The following GEN1 variants were observed in gnomAD, a reference collection of about 807,000 sequenced individuals.
The protein encoded by GEN1 is GEN1 structure-specific endonuclease.
Under a neutral mutation model 67.6 loss-of-function variants are expected in GEN1, and 64 were observed. That is an observed-to-expected ratio of 0.95 (90% CI 0.77 to 1.17). The LOEUF (loss-of-function observed/expected upper bound fraction) is 1.17. GEN1 is among the 50% of genes most tolerant of loss of function. The pLI, the probability that GEN1 is intolerant of heterozygous loss-of-function variation, is 0.00. For synonymous variants in GEN1, 371 were observed against 359.4 expected, an observed-to-expected ratio of 1.03 and a Z score of -0.37; for missense variants, 1,058 against 1,048.3, an observed-to-expected ratio of 1.01 and a Z score of -0.13.
intron 3 of GEN1, among the ~76,000 whole-genome samples, chr2:17,764,245 G>C (rs574914386): frequency 6.6e-6 from 1 of 152,180 alleles, no homozygotes; most frequent in East Asian, 1.9e-4. Context: ...TACAGGGAAG[G>C]CAAGATGAGA....
chr2:17,769,142 C>T (rs1394391120), intron 6 of GEN1, among the ~76,000 whole-genome samples: 1 of 152,068 alleles, frequency 6.6e-6, no homozygotes, highest in Non-Finnish European at 1.5e-5. Context: ...ACTTCAGCCT[C>T]CTGAGTAACT....
chr2:17,768,075 T>A (rs11892312), intron 5 of GEN1, among the ~76,000 whole-genome samples: 20,907 of 152,146 alleles, frequency 0.14, 1,752 homozygotes, highest in African/African-American at 0.24. Context: ...CAGTAGCTAT[T>A]TACTAACCAG....
At chr2:17,769,166 T>C (rs936562857) in intron 6 of GEN1, among the ~76,000 whole-genome samples, 1 of 152,076 alleles carries the variant, frequency 6.6e-6, no homozygotes, top group African/African-American at 2.4e-5. Context: ...ACAACAGATA[T>C]GCACCACTGT....
upstream of GEN1, among the ~76,000 whole-genome samples, chr2:17,753,422 G>A (rs754573144): frequency 6.6e-5 from 10 of 152,236 alleles, no homozygotes; most frequent in South Asian, 2.1e-4. Context: ...CCGCCTCGGA[G>A]AGCGCGCGAA....
chr2:17,760,952 C>T (rs1323787597), intron 2 of GEN1, among the ~76,000 whole-genome samples: 1 of 149,532 alleles, frequency 6.7e-6, no homozygotes, highest in South Asian at 2.1e-4. Context: ...TGGTTTTGGC[C>T]GGGCACAGTG....
rs548312039 is a variant in GEN1 at position 17,785,973 on chromosome 2, T to A, written c.*4034T>A. 1 of 152,252 alleles carries A rather than the reference T, an allele frequency of 6.6e-6. No homozygotes were observed. The highest frequency in any genetic ancestry group is 1.5e-5 in the Non-Finnish European group (1 of 68,046). 9.4% of individuals were successfully genotyped at this position (152,252 alleles called of 1,614,324 possible). On this transcript the variant is annotated 3_prime_UTR_variant, in exon 14 of 14. Transcript: ENST00000381254. Reference sequence around the variant, plus strand: ...TAATGAGGACTCTACTTTTTCCTTTTGGGTAGCATGGCTTGAGCCATCTTG... The same window carrying A: ...TAATGAGGACTCTACTTTTTCCTTTAGGGTAGCATGGCTTGAGCCATCTTG...
intron 3 of GEN1, among the ~76,000 whole-genome samples, chr2:17,762,587 A>T (rs1671740497): frequency 6.6e-6 from 1 of 152,104 alleles, no homozygotes; most frequent in Admixed American, 6.6e-5. Flanking sequence ...TTTTCACTTA[A>T]TGCTTCATGT....
At chr2:17,780,191 A>T in intron 13 of GEN1, 70 bp downstream of exon 13, 3 of 1,208,478 alleles carry the variant, frequency 2.5e-6, no homozygotes, top group Non-Finnish European at 2.4e-6. Flanking sequence ...CTTCTGTTTG[A>T]ATCTGCTGTG....
chr2:17,778,611 A>T (rs1272599052), intron 12 of GEN1, among the ~76,000 whole-genome samples: 1 of 151,966 alleles, frequency 6.6e-6, no homozygotes, highest in Non-Finnish European at 1.5e-5. Context: ...TTAATGTCTC[A>T]ATTTGACATT....
rs771669962 is a variant in GEN1 at position 17,781,145 on chromosome 2, A to G, written c.1933A>G (p.Lys645Glu). The G allele has an allele frequency of 6.2e-7, 1 of 1,613,932 alleles. No homozygotes were observed. Residue 645 changes from lysine (K) to glutamate (E), a missense_variant, in exon 14 of 14, where the codon AAA becomes GAA. Transcript: ENST00000381254. ...ESERYTANIK[K>E]VLDEDSDGIS... ...AGAAAGGTACACTGCAAACATAAAGAAAGTGTTGGATGAGGATTCTGATGG... is the reference window on the plus strand; with the variant it reads ...AGAAAGGTACACTGCAAACATAAAGGAAGTGTTGGATGAGGATTCTGATGG...
At position 17,777,993 on chromosome 2, in the gene GEN1, GT is replaced by G. The variant is rs1226690944; in HGVS notation, c.1203-4del. ...CAATTAGACTTCATTAAATGAATTT[GT>G]TTTTCAGAATTGTTAAGACTCGAAT... On this transcript the variant is annotated splice_polypyrimidine_tract_variant and splice_region_variant and intron_variant, in intron 11 of 13. Transcript: ENST00000381254. 4.0e-5 allele frequency: 61 copies of G among 1,521,702 alleles called. No homozygotes were observed. The highest frequency in any genetic ancestry group is 5.6e-5 in the Non-Finnish European group (61 of 1,098,796). The allele number at this position is 1,521,702 out of a possible 1,614,324, so 94.3% of individuals were successfully genotyped here.
At chr2:17,764,815 G>A (rs1671846636) in intron 3 of GEN1, 82 bp from the exon 4 acceptor site, 1 of 1,254,212 alleles carries the variant, frequency 8.0e-7, no homozygotes, top group Non-Finnish European at 1.1e-6. Flanking sequence ...ATTAATATTT[G>A]TAATACAGAA....
At chr2:17,760,254 T>A in intron 2 of GEN1, 150 bp downstream of exon 2, 1 of 728,458 alleles carries the variant, frequency 1.4e-6, no homozygotes, top group Non-Finnish European at 2.1e-6. Flanking sequence ...ATTCACCATC[T>A]TTATATTAAG....
chr2:17,779,497 C>T (rs1672720801), intron 12 of GEN1, among the ~76,000 whole-genome samples: 1 of 152,164 alleles, frequency 6.6e-6, no homozygotes, highest in Admixed American at 6.5e-5. Flanking sequence ...TTATGTACTG[C>T]TATCAACAGA....
intron 1 of GEN1, chr2:17,755,102 C>A (rs565853253): frequency 6.6e-6 from 1 of 152,328 alleles, no homozygotes; most frequent in East Asian, 1.9e-4. Flanking sequence ...CTTTTTATTT[C>A]TAAAAGTAAT....
chr2:17,775,449 AGAT>A (rs1377713826), intron 11 of GEN1, among the ~76,000 whole-genome samples: 4 of 152,230 alleles, frequency 2.6e-5, no homozygotes, highest in Non-Finnish European at 4.4e-5. Context: ...ATTTTTGAAG[AGAT>A]GATGTCTGAG....
At position 17,785,574 on chromosome 2, in the gene GEN1, T is replaced by G. The variant is rs1435671290; in HGVS notation, c.*3635T>G. Reference sequence around the variant, plus strand: ...GTAATCAATCTTAAGTCCTTGGCGGTTTTTCTTTTAGATTTTTTTCCATAT... The same window carrying G: ...GTAATCAATCTTAAGTCCTTGGCGGGTTTTCTTTTAGATTTTTTTCCATAT... On this transcript the variant is annotated 3_prime_UTR_variant, in exon 14 of 14. Coordinates refer to ENST00000381254, the MANE Select transcript of GEN1 (RefSeq NM_001130009.3). 1.9e-5 allele frequency: 2 copies of G among 102,938 alleles called. No individual in the cohort carries two copies. Among genetic ancestry groups the G allele is most frequent in the African/African-American group, 3.4e-5 (1 of 29,360 alleles). 6.4% of individuals were successfully genotyped at this position (102,938 alleles called of 1,614,324 possible). A position where few individuals can be genotyped will look rare whatever the true frequency, so the allele number is the denominator to read the frequency against.
Position 17,785,665 on chromosome 2 carries a change from G to A in GEN1, c.*3726G>A, listed in dbSNP as rs868406554. ...TCCCAGCACGCTGGGAGGCTGAGGC[G>A]GGTGGATTGCTTGAGGCCAGGAGTT... On this transcript the variant is annotated 3_prime_UTR_variant, in exon 14 of 14. Coordinates refer to ENST00000381254, the MANE Select transcript of GEN1 (RefSeq NM_001130009.3). 2 of 152,196 alleles carry A rather than the reference G, an allele frequency of 1.3e-5. No homozygotes were observed. The highest frequency in any genetic ancestry group is 2.9e-5 in the Non-Finnish European group (2 of 68,092). 9.4% of individuals were successfully genotyped at this position (152,196 alleles called of 1,614,324 possible). A position where few individuals can be genotyped will look rare whatever the true frequency, so the allele number is the denominator to read the frequency against.
rs747560753 is a variant in GEN1 at position 17,774,779 on chromosome 2, G to GA, written c.1202+391dup. Among the ~76,000 whole-genome samples, 263 of 139,998 alleles carry GA rather than the reference G, an allele frequency of 1.9e-3. 2 individuals carry two copies. Among genetic ancestry groups the GA allele is most frequent in the East Asian group, 5.3e-3 (26 of 4,886 alleles). The allele number at this position is 139,998 out of a possible 152,430, so 91.8% of individuals were successfully genotyped here. A position where few individuals can be genotyped will look rare whatever the true frequency, so the allele number is the denominator to read the frequency against. On this transcript the variant is annotated intron_variant, in intron 11 of 13. Coordinates refer to ENST00000381254, the MANE Select transcript of GEN1 (RefSeq NM_001130009.3). ...CATCCAGGAGGTAAATCGCTTCAGAGAAAAAAAAAAAAATGGGGACCAAAA... is the reference window on the plus strand; with the variant it reads ...CATCCAGGAGGTAAATCGCTTCAGAGAAAAAAAAAAAAAATGGGGACCAAAA...
Sources: gnomAD v4.1 joint callset for allele counts (sites outside exome capture counted in the v4.1 genomes callset) on GRCh38, gnomAD v4.1.1 for gene constraint, MANE v1.5 for transcripts, NCBI Gene and HGNC (gene_info 2026-07-23, HGNC 2026-07-21) for gene names.